ARHGEF7: variants seen among roughly 807,000 people sequenced by gnomAD.
ARHGEF7 encodes the protein PAK-interacting exchange factor beta.
A neutral mutation model predicts 109.8 loss-of-function variants in ARHGEF7; 33 were observed. That is an observed-to-expected ratio of 0.30 (90% CI 0.23 to 0.40). ARHGEF7 has a LOEUF of 0.40. Among genes scored for constraint, ARHGEF7 ranks in the 10% least tolerant of loss-of-function variants. The pLI, the probability that ARHGEF7 is intolerant of heterozygous loss-of-function variation, is 1.00. For missense variants in ARHGEF7, 938 were observed against 1,098.5 expected (o/e 0.85, Z 2.07); for synonymous variants, 458 against 424.6 (o/e 1.08, Z -0.97).
At chr13:111,193,448 C>T (rs1385741248) in intron 2 of ARHGEF7, among the ~76,000 whole-genome samples, 1 of 152,248 alleles carries the variant, frequency 6.6e-6, no homozygotes, top group Non-Finnish European at 1.5e-5. Context: ...ACTGCCACCT[C>T]CTTGGGTTTT....
chr13:111,200,497 G>A (rs2081095038), intron 2 of ARHGEF7, among the ~76,000 whole-genome samples: 1 of 150,844 alleles, frequency 6.6e-6, no homozygotes, highest in South Asian at 2.1e-4. Flanking sequence ...GAATCCTTGA[G>A]TTTTACAACT....
At chr13:111,290,481 C>CT (rs1177016430) in intron 18 of ARHGEF7, among the ~76,000 whole-genome samples, 7 of 152,320 alleles carry the variant, frequency 4.6e-5, no homozygotes, top group African/African-American at 7.2e-5. Flanking sequence ...ACTGGAGCGT[C>CT]TGAGGATTTT....
At chr13:111,291,610 G>A (rs1479671493) in intron 18 of ARHGEF7, among the ~76,000 whole-genome samples, 7 of 152,252 alleles carry the variant, frequency 4.6e-5, no homozygotes, top group African/African-American at 9.6e-5. Flanking sequence ...GAAAAAGCCC[G>A]TCAGAATTCC....
chr13:111,120,958 A>C (rs1214898793), intron 1 of ARHGEF7, among the ~76,000 whole-genome samples: 1 of 152,198 alleles, frequency 6.6e-6, no homozygotes, highest in Non-Finnish European at 1.5e-5. Flanking sequence ...TACTGAACTT[A>C]GGGGAAGATT....
upstream of ARHGEF7, chr13:111,115,210 G>C (rs1233552708): frequency 4.1e-5 from 6 of 146,620 alleles, no homozygotes; most frequent in African/African-American, 2.5e-5. Flanking sequence ...GGGGCGGCGC[G>C]GGCCGGGCGC....
intron 5 of ARHGEF7, among the ~76,000 whole-genome samples, chr13:111,224,120 G>T (rs915121457): frequency 6.6e-6 from 1 of 152,228 alleles, no homozygotes. Flanking sequence ...CTCCCAAAGT[G>T]CTGGGATTAC....
At chr13:111,214,011 T>C (rs922265347) in intron 4 of ARHGEF7, among the ~76,000 whole-genome samples, 1 of 152,162 alleles carries the variant, frequency 6.6e-6, no homozygotes, top group African/African-American at 2.4e-5. Flanking sequence ...TGTCCTTCAG[T>C]GTAATGACTG....
rs2092070883 is a variant in ARHGEF7 at position 111,270,677 on chromosome 13, A to G, written c.1073+3007A>G. Reference sequence around the variant, plus strand: ...GAAATTTCACAGGTAACCCTGAAATATAAATAATGACCTGAATGGATTTTT... The same window carrying G: ...GAAATTTCACAGGTAACCCTGAAATGTAAATAATGACCTGAATGGATTTTT... On this transcript the variant is annotated intron_variant, in intron 9 of 21. Transcript: ENST00000646102. Among the ~76,000 whole-genome samples the G allele has an allele frequency of 2.6e-5, 4 of 152,194 alleles. 1 individual carries two copies. Among genetic ancestry groups the G allele is most frequent in the Admixed American group, 2.6e-4 (4 of 15,286 alleles).
chr13:111,147,759 G>A (rs2153367040), intron 1 of ARHGEF7, among the ~76,000 whole-genome samples: 1 of 147,308 alleles, frequency 6.8e-6, no homozygotes, highest in African/African-American at 2.5e-5. Flanking sequence ...GTGCAGTGGC[G>A]GGATCTCGGC....
chr13:111,205,047 G>T (rs1040708245), intron 2 of ARHGEF7, among the ~76,000 whole-genome samples: 4 of 152,250 alleles, frequency 2.6e-5, no homozygotes, highest in South Asian at 2.1e-4. Flanking sequence ...AGAGGGGCAG[G>T]GGCGGGTGTT....
At chr13:111,296,875 C>G (rs114662539) in intron 19 of ARHGEF7, among the ~76,000 whole-genome samples, 3,327 of 152,268 alleles carry the variant, frequency 0.022, 127 homozygotes, top group African/African-American at 0.075. Flanking sequence ...CTCCCAGAAA[C>G]AAAACAGTTT....
At chr13:111,222,094 G>T (rs557106011) in intron 5 of ARHGEF7, among the ~76,000 whole-genome samples, 19 of 152,168 alleles carry the variant, frequency 1.2e-4, no homozygotes, top group African/African-American at 4.3e-4. Context: ...CCCAGTTCAC[G>T]GACTCAAATG....
rs765254286 is a variant in ARHGEF7, at chr13:111,275,568, G to A, written c.1309G>A (p.Glu437Lys). Reference protein sequence around the residue: ...CQEVRKRKELELQILTEAIRN... With the variant: ...CQEVRKRKELKLQILTEAIRN... Reference sequence around the variant, plus strand: ...AGAAGTCCGGAAGAGGAAAGAGCTTGAGCTGCAGATCCTGACGGAAGCCAT... The same window carrying A: ...AGAAGTCCGGAAGAGGAAAGAGCTTAAGCTGCAGATCCTGACGGAAGCCAT... The change falls in exon 12 of 22, where the codon GAG becomes AAG. Residue 437 changes from glutamate to lysine, a missense_variant. Transcript: ENST00000646102. 6.2e-7 allele frequency: 1 copy of A among 1,614,116 alleles called. No homozygotes were observed. Among genetic ancestry groups the A allele is most frequent in the Non-Finnish European group, 8.5e-7 (1 of 1,179,988 alleles).
intron 2 of ARHGEF7, among the ~76,000 whole-genome samples, chr13:111,178,008 C>T (rs1013851488): frequency 6.6e-6 from 1 of 152,348 alleles, no homozygotes; most frequent in South Asian, 2.1e-4. Flanking sequence ...TGTGTTCACT[C>T]AGTGCCTGTC....
intron 2 of ARHGEF7, among the ~76,000 whole-genome samples, chr13:111,162,068 C>A (rs1594133177): frequency 6.6e-6 from 1 of 152,198 alleles, no homozygotes; most frequent in African/African-American, 2.4e-5. Context: ...AAGGTGGGGG[C>A]TTTCAAAGGC....
chr13:111,270,551 G>A (rs2092056805), intron 9 of ARHGEF7, among the ~76,000 whole-genome samples: 1 of 152,060 alleles, frequency 6.6e-6, no homozygotes, highest in Non-Finnish European at 1.5e-5. Flanking sequence ...AGTTTTGCTT[G>A]CACATGTTTC....
Position 111,228,600 on chromosome 13 carries a change from A to G in ARHGEF7, c.671-4605A>G, listed in dbSNP as rs748331380. 6.6e-6 allele frequency among the ~76,000 whole-genome samples: 1 copy of G among 152,214 alleles called. No homozygotes were observed. The highest frequency in any genetic ancestry group is 1.5e-5 in the Non-Finnish European group (1 of 68,044). On this transcript the variant is annotated intron_variant, in intron 5 of 21. Coordinates refer to ENST00000646102, the MANE Select transcript of ARHGEF7 (RefSeq NM_001354046.2). The surrounding 1 kb of genome is among the most constrained non-coding windows in gnomAD (Gnocchi z 4.6). ...GGGAAAAAGTAATGGCACAATTATA[A>G]CATTTTCGAACAAAGATCGAGCGTC...
chr13:111,126,256 C>T (rs958459927), intron 1 of ARHGEF7, among the ~76,000 whole-genome samples: 3 of 152,140 alleles, frequency 2.0e-5, no homozygotes, highest in Non-Finnish European at 2.9e-5. Context: ...TTTGGGAGGC[C>T]GAGGTAGGCG....
At chr13:111,149,773 C>T (rs1389876383) in intron 1 of ARHGEF7, among the ~76,000 whole-genome samples, 1 of 152,214 alleles carries the variant, frequency 6.6e-6, no homozygotes, top group Admixed American at 6.5e-5. Context: ...CATACATATA[C>T]AGTACTCACA....
Sources: allele counts gnomAD v4.1 joint callset (sites outside exome capture counted in the v4.1 genomes callset), GRCh38; gene constraint gnomAD v4.1.1; non-coding constraint Gnocchi (gnomAD v3.1); transcripts MANE v1.5; gene names NCBI Gene and HGNC (gene_info 2026-07-23, HGNC 2026-07-21).